The following RXRA variants were observed in gnomAD, a reference collection of about 807,000 sequenced individuals.
RXRA encodes retinoid X receptor alpha.
In RXRA, 5 loss-of-function variants were observed where a neutral mutation model predicts 44.5. That is an observed-to-expected ratio of 0.11 (90% CI 0.06 to 0.24). The LOEUF (loss-of-function observed/expected upper bound fraction) is 0.24, where lower values mean the gene tolerates loss of function less well. Among genes scored for constraint, RXRA ranks in the 10% least tolerant of loss-of-function variants. The pLI is 1.00. For missense variants in RXRA, 412 were observed against 646.5 expected, an observed-to-expected ratio of 0.64 and a Z score of 3.93; for synonymous variants, 291 against 271.4, an observed-to-expected ratio of 1.07 and a Z score of -0.71.
rs555852598 is a variant in RXRA at position 134,372,364 on chromosome 9, G to A, written c.29-29268G>A. 2.7e-3 allele frequency among the ~76,000 whole-genome samples: 407 copies of A among 152,252 alleles called. 2 individuals are homozygous for A. Among genetic ancestry groups the A allele is most frequent in the African/African-American group, 9.4e-3 (390 of 41,556 alleles). ...GCTGTTGGGGCTGGAGCATGGACCCGTCCTGGGCCGATTATGGGAGATGGT... is the reference window on the plus strand; with the variant it reads ...GCTGTTGGGGCTGGAGCATGGACCCATCCTGGGCCGATTATGGGAGATGGT... On this transcript the variant is annotated intron_variant, in intron 1 of 9. Coordinates refer to ENST00000481739, the MANE Select transcript of RXRA (RefSeq NM_002957.6).
At chr9:134,329,266 C>T (rs938989450) in intron 1 of RXRA, among the ~76,000 whole-genome samples, 1 of 152,218 alleles carries the variant, frequency 6.6e-6, no homozygotes, top group African/African-American at 2.4e-5. Flanking sequence ...AGAGCACATT[C>T]CGGGGCCTCC....
At chr9:134,411,749 TG>T (rs1311364706) in intron 4 of RXRA, among the ~76,000 whole-genome samples, 3 of 152,202 alleles carry the variant, frequency 2.0e-5, no homozygotes, top group African/African-American at 7.2e-5. Flanking sequence ...AGCCTCGGTG[TG>T]GAGGGCACCT....
intron 1 of RXRA, among the ~76,000 whole-genome samples, chr9:134,348,277 G>T (rs1022643059): frequency 1.3e-5 from 2 of 152,210 alleles, no homozygotes; most frequent in African/African-American, 4.8e-5. Context: ...AAACCCCAGG[G>T]TCTGTGGTTG....
chr9:134,432,375 G>A (rs1831546341), intron 8 of RXRA, among the ~76,000 whole-genome samples: 1 of 152,240 alleles, frequency 6.6e-6, no homozygotes, highest in African/African-American at 2.4e-5. Context: ...CCTGCAGGCT[G>A]GGGATGGGTC....
intron 6 of RXRA, chr9:134,422,050 A>G (rs370893184): frequency 5.4e-6 from 7 of 1,298,142 alleles, no homozygotes; most frequent in South Asian, 4.1e-5. Flanking sequence ...ATCTCCCAGG[A>G]CGCTCCCCTC....
rs576881066 is a variant in RXRA at position 134,340,047 on chromosome 9, C to T, written c.28+13388C>T. On this transcript the variant is annotated intron_variant, in intron 1 of 9. Transcript: ENST00000481739. The stretch of plus-strand genomic sequence containing the variant: ...TATCTGTGTGCACCCATGTCTGTGT[C>T]CCTCTGTCCCTGTCCCTGTGTGAGT... Among the ~76,000 whole-genome samples, 9 of 152,124 alleles carry T rather than the reference C, an allele frequency of 5.9e-5. No individual in the cohort carries two copies. The South Asian group carries it at 8.3e-4, about 14-fold the overall frequency.
intron 1 of RXRA, among the ~76,000 whole-genome samples, chr9:134,388,909 G>C (rs909756246): frequency 5.3e-5 from 8 of 152,180 alleles, no homozygotes; most frequent in African/African-American, 1.9e-4. Flanking sequence ...GCTGCTTGAC[G>C]GACTGGGTGT....
In RXRA at chr9:134,415,900, G is replaced by A. The variant is rs188233102; in HGVS notation, c.611-1258G>A. 1.0e-3 allele frequency among the ~76,000 whole-genome samples: 157 copies of A among 152,300 alleles called. 1 individual carries two copies. The highest frequency in any genetic ancestry group is 7.9e-3 in the South Asian group (38 of 4,832). On this transcript the variant is annotated intron_variant, in intron 4 of 9. Coordinates refer to ENST00000481739, the MANE Select transcript of RXRA (RefSeq NM_002957.6). ...GTCGCTGTTGCTTTTCTGGCTCTGC[G>A]GTTTACTCACTTAGACCAGTCATTT...
chr9:134,349,501 G>A lies in RXRA; in HGVS notation c.28+22842G>A, dbSNP rs944046974. On this transcript the variant is annotated intron_variant, in intron 1 of 9. Transcript: ENST00000481739. This position sits in a 1 kb window ranked among gnomAD's most constrained non-coding sequence, Gnocchi z 4.3. Reference sequence around the variant, plus strand: ...CTGCCACACCTGGCAGTGGTGCTGCGGGGGTGGCTCGGCCCTGAAGCTCGT... The same window carrying A: ...CTGCCACACCTGGCAGTGGTGCTGCAGGGGTGGCTCGGCCCTGAAGCTCGT... Among the ~76,000 whole-genome samples the A allele has an allele frequency of 2.0e-5, 3 of 152,150 alleles. No individual in the cohort carries two copies. Among genetic ancestry groups the A allele is most frequent in the African/African-American group, 2.4e-5 (1 of 41,428 alleles).
At chr9:134,408,372 C>T (rs1236077918) in intron 3 of RXRA, 73 bp downstream of exon 3, 3 of 1,460,578 alleles carry the variant, frequency 2.1e-6, no homozygotes, top group Non-Finnish European at 2.8e-6. Flanking sequence ...GAGGCCTCCC[C>T]AAATCACCCT....
intron 1 of RXRA, among the ~76,000 whole-genome samples, chr9:134,378,096 C>T (rs890265055): frequency 1.3e-5 from 2 of 152,214 alleles, no homozygotes; most frequent in South Asian, 2.1e-4. Flanking sequence ...CTGTGGCTGG[C>T]GACGAGGAGC....
chr9:134,326,991 CGGCCG>C, intron 1 of RXRA, among the ~76,000 whole-genome samples: 1 of 151,668 alleles, frequency 6.6e-6, no homozygotes, highest in Middle Eastern at 3.4e-3. Flanking sequence ...CACAGGAACC[CGGCCG>C]GAGCGGGAGG....
chr9:134,421,511 A>G (rs906511575), intron 5 of RXRA, among the ~76,000 whole-genome samples, 165 bp from the exon 6 acceptor site: 11 of 152,150 alleles, frequency 7.2e-5, no homozygotes, highest in African/African-American at 2.4e-4. Context: ...GTGCCATGCA[A>G]GGTCGCATAG....
chr9:134,393,356 A>G (rs1281955172), intron 1 of RXRA, among the ~76,000 whole-genome samples: 1 of 152,200 alleles, frequency 6.6e-6, no homozygotes, highest in African/African-American at 2.4e-5. Context: ...TCCTGTCCAC[A>G]TCTGCCTCTA....
chr9:134,410,440 A>G (rs958587619), intron 4 of RXRA, among the ~76,000 whole-genome samples: 1 of 152,194 alleles, frequency 6.6e-6, no homozygotes, highest in Non-Finnish European at 1.5e-5. Flanking sequence ...CTTTCACCAG[A>G]GGGCAGAGGA....
chr9:134,381,386 T>C (rs1055771477), intron 1 of RXRA, among the ~76,000 whole-genome samples: 3 of 152,066 alleles, frequency 2.0e-5, no homozygotes, highest in Admixed American at 1.3e-4. Flanking sequence ...AGGGGCTCTC[T>C]CAGGGCCGTC....
intron 4 of RXRA, among the ~76,000 whole-genome samples, chr9:134,409,888 C>T (rs1831120325): frequency 6.6e-6 from 1 of 152,096 alleles, no homozygotes; most frequent in African/African-American, 2.4e-5. Context: ...TGGTCTGTCC[C>T]TGTCCCCCCG....
At chr9:134,361,331 C>T (rs1370689864) in intron 1 of RXRA, among the ~76,000 whole-genome samples, 1 of 152,180 alleles carries the variant, frequency 6.6e-6, no homozygotes, top group Non-Finnish European at 1.5e-5. Context: ...CTCCCAGGCC[C>T]TCCCCTGAGC....
At chr9:134,401,080 G>A (rs971220826) in intron 1 of RXRA, among the ~76,000 whole-genome samples, 64 of 152,340 alleles carry the variant, frequency 4.2e-4, no homozygotes, top group African/African-American at 1.4e-3. Context: ...CTGGCTTCCC[G>A]CATCTGTAAA....
Sources: gnomAD v4.1 joint callset for allele counts (sites outside exome capture counted in the v4.1 genomes callset) on GRCh38, gnomAD v4.1.1 for gene constraint, Gnocchi (gnomAD v3.1) non-coding constraint, MANE v1.5 for transcripts, NCBI Gene and HGNC (gene_info 2026-07-23, HGNC 2026-07-21) for gene names.